PRDM11: variants seen among roughly 807,000 people sequenced by gnomAD.
PRDM11 encodes the protein PR/SET domain 11.
PRDM11 carries 20 observed loss-of-function variants against 97.8 expected under a neutral mutation model. The ratio of observed to expected loss-of-function variants is 0.20; its 90% CI spans 0.14 to 0.30. PRDM11 has a LOEUF of 0.30. PRDM11 is among the 10% of genes least tolerant of loss of function. PRDM11 has a pLI of 1.00. For synonymous variants in PRDM11, 599 were observed against 637.7 expected (o/e 0.94, Z 0.91); for missense variants, 1,139 against 1,555.2 (o/e 0.73, Z 4.50).
At chr11:45,191,902 A>G (rs1852926656) in intron 4 of PRDM11, among the ~76,000 whole-genome samples, 1 of 152,008 alleles carries the variant, frequency 6.6e-6, no homozygotes, top group Non-Finnish European at 1.5e-5. Context: ...ACATTGGTAT[A>G]CATGTGCCAT....
chr11:45,209,551 G>T (rs1024921472), intron 5 of PRDM11, among the ~76,000 whole-genome samples: 1 of 152,146 alleles, frequency 6.6e-6, no homozygotes, highest in Non-Finnish European at 1.5e-5. Context: ...CCCCACGCAG[G>T]CCCTGCTCTT....
At chr11:45,161,828 C>T (rs7943729) in intron 1 of PRDM11, among the ~76,000 whole-genome samples, 24,922 of 152,284 alleles carry the variant, frequency 0.16, 2,461 homozygotes, top group African/African-American at 0.27. Flanking sequence ...CTTGCAGCCA[C>T]GCTGGAAAAA....
intron 1 of PRDM11, among the ~76,000 whole-genome samples, chr11:45,114,298 A>T (rs1239295901): frequency 1.3e-5 from 2 of 152,198 alleles, no homozygotes; most frequent in Non-Finnish European, 2.9e-5. Context: ...AAAGTACCAT[A>T]TATGAAATTT....
intron 1 of PRDM11, among the ~76,000 whole-genome samples, chr11:45,147,778 G>A (rs1410880401): frequency 1.3e-5 from 2 of 152,192 alleles, no homozygotes; most frequent in Non-Finnish European, 2.9e-5. Context: ...TGGGATTTAG[G>A]GGAGAAAAAT....
rs562528336 is a variant in PRDM11 at position 45,229,082 on chromosome 11, C to T, written c.*923C>T. On this transcript the variant is annotated 3_prime_UTR_variant, in exon 8 of 8. Transcript: ENST00000683152. Reference sequence around the variant, plus strand: ...GAGATGAAGAGCCAAGAAGTCCAGACCCCAACAGGGGAGTGATTTTTGGCT... The same window carrying T: ...GAGATGAAGAGCCAAGAAGTCCAGATCCCAACAGGGGAGTGATTTTTGGCT... 3.9e-5 allele frequency: 6 copies of T among 152,242 alleles called. No individual in the cohort carries two copies. The South Asian group carries it at 1.2e-3, about 32-fold the overall frequency. 9.4% of individuals were successfully genotyped at this position (152,242 alleles called of 1,614,324 possible).
upstream of PRDM11, among the ~76,000 whole-genome samples, chr11:45,094,224 G>A (rs897090837): frequency 4.6e-5 from 7 of 152,220 alleles, no homozygotes; most frequent in Non-Finnish European, 5.9e-5. Flanking sequence ...CTGGGGGTGG[G>A]CTGGAATCAC....
chr11:45,162,032 G>A (rs1473958350), intron 1 of PRDM11, among the ~76,000 whole-genome samples: 2 of 152,252 alleles, frequency 1.3e-5, no homozygotes, highest in Non-Finnish European at 2.9e-5. Flanking sequence ...TGGCCACACA[G>A]CTTGGCCTCC....
At chr11:45,127,964 C>T (rs1315159118) in intron 1 of PRDM11, among the ~76,000 whole-genome samples, 3 of 152,246 alleles carry the variant, frequency 2.0e-5, no homozygotes, top group African/African-American at 7.2e-5. Flanking sequence ...CCTACAGAGG[C>T]AGGCAGGCCT....
At chr11:45,178,337 G>A (rs1437884782) in intron 1 of PRDM11, among the ~76,000 whole-genome samples, 1 of 152,130 alleles carries the variant, frequency 6.6e-6, no homozygotes, top group Admixed American at 6.5e-5. Context: ...AAGTGTAAGT[G>A]ACGTGCCATG....
At chr11:45,107,047 TG>T (rs1218516487) in intron 1 of PRDM11, among the ~76,000 whole-genome samples, 2 of 151,990 alleles carry the variant, frequency 1.3e-5, no homozygotes, top group African/African-American at 4.8e-5. Flanking sequence ...GTGAGTGGGG[TG>T]GGTTGGCCAG....
intron 1 of PRDM11, among the ~76,000 whole-genome samples, chr11:45,150,887 C>G (rs1389564138): frequency 6.6e-6 from 1 of 152,184 alleles, no homozygotes; most frequent in East Asian, 1.9e-4. Context: ...GAAAACAGCT[C>G]CACAAGGTAG....
chr11:45,124,349 A>G lies in PRDM11; in HGVS notation c.96+28448A>G, dbSNP rs1392607053. Among the ~76,000 whole-genome samples, 139 of 152,154 alleles carry G rather than the reference A, an allele frequency of 9.1e-4. 3 individuals carry two copies. The South Asian group carries it at 0.027, about 30-fold the overall frequency. On this transcript the variant is annotated intron_variant, in intron 1 of 6. Transcript: ENST00000530656. ...TACCCTTTATTTCCTTCTCCTGCCT[A>G]ATTGACCTGGCCAGAACTTCCAACA... is the stretch of plus-strand genomic sequence containing the variant.
At chr11:45,162,113 G>A (rs1213296515) in intron 1 of PRDM11, among the ~76,000 whole-genome samples, 1 of 152,242 alleles carries the variant, frequency 6.6e-6, no homozygotes, top group East Asian at 1.9e-4. Context: ...GAGGCGAGAA[G>A]CACCATGGGT....
intron 1 of PRDM11, among the ~76,000 whole-genome samples, chr11:45,105,030 G>T (rs1311426583): frequency 6.6e-6 from 1 of 152,214 alleles, no homozygotes; most frequent in African/African-American, 2.4e-5. Flanking sequence ...TTTACAAAGA[G>T]CAAACATGTA....
chr11:45,188,903 G>GT (rs1179890400), intron 4 of PRDM11, among the ~76,000 whole-genome samples: 1 of 152,032 alleles, frequency 6.6e-6, no homozygotes, highest in Admixed American at 6.6e-5. Context: ...TTGTTTGTTT[G>GT]TTTTTTTGTT....
In PRDM11 at chr11:45,228,731, C is replaced by G. The variant is rs1184925951; in HGVS notation, c.*572C>G. 1 of 152,004 alleles carries G rather than the reference C, an allele frequency of 6.6e-6. No individual in the cohort carries two copies. Among genetic ancestry groups the G allele is most frequent in the Non-Finnish European group, 1.5e-5 (1 of 68,032 alleles). 9.4% of individuals were successfully genotyped at this position (152,004 alleles called of 1,614,324 possible). On this transcript the variant is annotated 3_prime_UTR_variant, in exon 8 of 8. Coordinates refer to ENST00000683152, the MANE Select transcript of PRDM11 (RefSeq NM_001384648.1). Reference sequence around the variant, plus strand: ...GGGAGGCAGGGGGGTTGACCTTTCTCCCTCCCCACCTGACTTCAGCTTGAG... The same window carrying G: ...GGGAGGCAGGGGGGTTGACCTTTCTGCCTCCCCACCTGACTTCAGCTTGAG...
intron 1 of PRDM11, among the ~76,000 whole-genome samples, chr11:45,152,255 C>T (rs955526211): frequency 3.3e-5 from 5 of 152,074 alleles, no homozygotes; most frequent in African/African-American, 1.2e-4. Flanking sequence ...TCAGTAGAGA[C>T]TGGGGTCTCA....
chr11:45,135,875 C>T (rs933250388), intron 1 of PRDM11, among the ~76,000 whole-genome samples: 1 of 152,116 alleles, frequency 6.6e-6, no homozygotes, highest in Non-Finnish European at 1.5e-5. Context: ...AAAAGGCCTG[C>T]CCAGGACGCC....
chr11:45,100,941 G>A (rs540607768), intron 1 of PRDM11, among the ~76,000 whole-genome samples: 52 of 152,302 alleles, frequency 3.4e-4, no homozygotes, highest in African/African-American at 1.3e-3. Context: ...TAGCAGAGAT[G>A]GAATCTGCAC....
Sources: allele counts gnomAD v4.1 joint callset (sites outside exome capture counted in the v4.1 genomes callset), GRCh38; gene constraint gnomAD v4.1.1; transcripts MANE v1.5; gene names NCBI Gene and HGNC (gene_info 2026-07-23, HGNC 2026-07-21).